SNX1: variants seen among roughly 807,000 people sequenced by gnomAD.
The protein encoded by SNX1 is sorting nexin-1.
Under a neutral mutation model 71.8 loss-of-function variants are expected in SNX1, and 36 were observed. The ratio of observed to expected loss-of-function variants is 0.50; its 90% CI spans 0.38 to 0.66. The LOEUF (loss-of-function observed/expected upper bound fraction) is 0.66. Among genes scored for constraint, SNX1 ranks in the 30% least tolerant of loss-of-function variants. The pLI is 0.00. For synonymous variants in SNX1, 254 were observed against 240.7 expected, an observed-to-expected ratio of 1.06 and a Z score of -0.51; for missense variants, 612 against 646.7, an observed-to-expected ratio of 0.95 and a Z score of 0.58.
chr15:64,113,859 A>AG, intron 2 of SNX1, among the ~76,000 whole-genome samples: 1 of 151,512 alleles, frequency 6.6e-6, no homozygotes, highest in African/African-American at 2.4e-5. Context: ...GAGAGAGAGA[A>AG]AGAAAGTGAT....
rs2081420483 is a variant in SNX1 at position 64,142,162 on chromosome 15, G to A, written c.*4544G>A. The A allele has an allele frequency of 6.4e-6, 1 of 155,216 alleles. No homozygotes were observed. The highest frequency in any genetic ancestry group is 1.4e-5 in the Non-Finnish European group (1 of 70,176). The allele number at this position is 155,216 out of a possible 1,614,324, so 9.6% of individuals were successfully genotyped here. A position where few individuals can be genotyped will look rare whatever the true frequency, so the allele number is the denominator to read the frequency against. ...GAGACCAGCCTGGGGAATATAGTGA[G>A]ACCCTGTCCCTACAAAAATAAAAAC... On this transcript the variant is annotated 3_prime_UTR_variant, in exon 15 of 15. Transcript: ENST00000559844.
intron 1 of SNX1, among the ~76,000 whole-genome samples, chr15:64,098,389 A>G (rs766788162): frequency 6.6e-6 from 1 of 152,184 alleles, no homozygotes; most frequent in Non-Finnish European, 1.5e-5. Flanking sequence ...GTGAGGAGTT[A>G]TTTTCTAGAG....
Position 64,134,874 on chromosome 15 carries a change from C to T in SNX1, c.1365+67C>T. ...TTCCAAATGAACCCAGGGCCCATCC[C>T]ACCCAGAGGTTTGGAACCCCACAGG... is the stretch of plus-strand genomic sequence containing the variant. On this transcript the variant is annotated intron_variant, in intron 12 of 14. Coordinates refer to ENST00000559844, the MANE Select transcript of SNX1 (RefSeq NM_003099.5). The surrounding 1 kb of genome is among the most constrained non-coding windows in gnomAD (Gnocchi z 4.1). The T allele has an allele frequency of 6.3e-7, 1 of 1,581,664 alleles. No individual in the cohort carries two copies. The highest frequency in any genetic ancestry group is 8.6e-7 in the Non-Finnish European group (1 of 1,162,976).
At position 64,129,947 on chromosome 15, in the gene SNX1, G is replaced by A; in HGVS notation, c.839G>A (p.Ser280Asn). The stretch of plus-strand genomic sequence containing the variant: ...CGTGCCGTGGGTACCCAGACATTGA[G>A]TGGTGCTGGTCTCCTCAAGATGTTC... ...LPRAVGTQTLSGAGLLKMFNK... is the reference protein window; with the variant it reads ...LPRAVGTQTLNGAGLLKMFNK... The change falls in exon 9 of 15, where the codon AGT becomes AAT. Residue 280 changes from serine to asparagine, a missense_variant. Transcript: ENST00000559844. The surrounding 1 kb of genome is among the most constrained non-coding windows in gnomAD (Gnocchi z 4.4). 6.2e-7 allele frequency: 1 copy of A among 1,614,144 alleles called. No homozygotes were observed. Among genetic ancestry groups the A allele is most frequent in the Non-Finnish European group, 8.5e-7 (1 of 1,180,016 alleles).
At chr15:64,135,757 CAA>C (rs573541153) in intron 12 of SNX1, among the ~76,000 whole-genome samples, 17 of 108,606 alleles carry the variant, frequency 1.6e-4, no homozygotes, top group Middle Eastern at 5.0e-3. Context: ...GACTCTGTCT[CAA>C]AAAAAAAAAA....
chr15:64,109,718 G>A (rs577064675), intron 1 of SNX1, among the ~76,000 whole-genome samples: 1 of 152,224 alleles, frequency 6.6e-6, no homozygotes, highest in African/African-American at 2.4e-5. Flanking sequence ...ATGTTGGCCA[G>A]GCTGGTCTCA....
chr15:64,136,553 G>A (rs553720147), intron 13 of SNX1, 143 bp downstream of exon 13: 5 of 721,732 alleles, frequency 6.9e-6, no homozygotes, highest in Non-Finnish European at 9.9e-6. Context: ...TCTTTGGGGG[G>A]GTGTGTGCTT....
intron 11 of SNX1, among the ~76,000 whole-genome samples, chr15:64,133,551 G>A (rs1460477785): frequency 4.6e-5 from 7 of 152,292 alleles, no homozygotes; most frequent in Middle Eastern, 3.4e-3. Context: ...CCAGTGTGGC[G>A]AAACCCCATC....
At chr15:64,101,192 T>C in intron 1 of SNX1, among the ~76,000 whole-genome samples, 1 of 152,358 alleles carries the variant, frequency 6.6e-6, no homozygotes, top group Non-Finnish European at 1.5e-5. Flanking sequence ...TTAGTAGCAC[T>C]AAGTATATTC....
chr15:64,119,446 C>T (rs2081168911), intron 4 of SNX1, among the ~76,000 whole-genome samples: 1 of 152,132 alleles, frequency 6.6e-6, no homozygotes, highest in Admixed American at 6.5e-5. Context: ...AAAACCCCAA[C>T]AGGCCAGCCA....
chr15:64,121,175 A>G (rs1233577407), intron 4 of SNX1, among the ~76,000 whole-genome samples: 1 of 152,228 alleles, frequency 6.6e-6, no homozygotes, highest in African/African-American at 2.4e-5. Context: ...TTAAAATGTA[A>G]TAAGTCATGA....
At chr15:64,108,982 C>T in intron 1 of SNX1, among the ~76,000 whole-genome samples, 1 of 137,290 alleles carries the variant, frequency 7.3e-6, no homozygotes, top group East Asian at 2.1e-4. Flanking sequence ...AGTGAGATTC[C>T]ATCTCAAAAA....
Position 64,130,227 on chromosome 15 carries a change from G to A in SNX1, c.922-1G>A. ...TAAAGTTCTGGGCTTTTGTGTTTCAGTGGTTTGAGGAGAAGCTCCAGGAGG... is the reference window on the plus strand; with the variant it reads ...TAAAGTTCTGGGCTTTTGTGTTTCAATGGTTTGAGGAGAAGCTCCAGGAGG... On this transcript the variant is annotated splice_acceptor_variant, in intron 9 of 14. Transcript: ENST00000559844. LOFTEE classifies it high-confidence loss of function. 6.2e-7 allele frequency: 1 copy of A among 1,613,890 alleles called. No homozygotes were observed. The highest frequency in any genetic ancestry group is 8.5e-7 in the Non-Finnish European group (1 of 1,179,822).
intron 1 of SNX1, among the ~76,000 whole-genome samples, chr15:64,112,180 A>G (rs2081084017): frequency 6.6e-6 from 1 of 152,226 alleles, no homozygotes; most frequent in Admixed American, 6.5e-5. Flanking sequence ...CATGGGTCAG[A>G]GCTTGAGTTC....
rs947510912 is a variant in SNX1 at position 64,134,411 on chromosome 15, T to A, written c.1222-253T>A. 10 of 488,238 alleles carry A rather than the reference T, an allele frequency of 2.0e-5. No homozygotes were observed. The highest frequency in any genetic ancestry group is 1.8e-4 in the African/African-American group (9 of 51,428). The allele number at this position is 488,238 out of a possible 1,614,324, so 30.2% of individuals were successfully genotyped here. A position where few individuals can be genotyped will look rare whatever the true frequency, so the allele number is the denominator to read the frequency against. ...TGGTCACTGGCATGAGGCCACCTAC[T>A]GGATCCCTGCCATCCAGCCCTGGGA... On this transcript the variant is annotated intron_variant, in intron 11 of 14. Transcript: ENST00000559844. The surrounding 1 kb of genome is among the most constrained non-coding windows in gnomAD (Gnocchi z 4.1).
chr15:64,135,816 G>A (rs2140162497), intron 12 of SNX1, among the ~76,000 whole-genome samples: 1 of 151,622 alleles, frequency 6.6e-6, no homozygotes, highest in Admixed American at 6.6e-5. Context: ...TAGCTACTCA[G>A]GAGGCTGAGG....
chr15:64,119,755 A>C (rs72755089), intron 4 of SNX1, among the ~76,000 whole-genome samples: 13,367 of 144,354 alleles, frequency 0.093, 718 homozygotes, highest in African/African-American at 0.16. Flanking sequence ...CACACACACA[A>C]AAAACATTAT....
At chr15:64,130,873 A>T (rs2081299354) in intron 10 of SNX1, among the ~76,000 whole-genome samples, 1 of 152,242 alleles carries the variant, frequency 6.6e-6, no homozygotes. Flanking sequence ...CCATGGGCCA[A>T]ATCTGACCCT....
intron 1 of SNX1, among the ~76,000 whole-genome samples, chr15:64,105,084 A>G (rs1453607011): frequency 2.0e-5 from 3 of 151,174 alleles, no homozygotes; most frequent in African/African-American, 7.3e-5. Context: ...AAAATACAAA[A>G]ATTAGCCAGG....
Sources: allele counts gnomAD v4.1 joint callset (sites outside exome capture counted in the v4.1 genomes callset), GRCh38; gene constraint gnomAD v4.1.1; non-coding constraint Gnocchi (gnomAD v3.1); transcripts MANE v1.5; gene names NCBI Gene and HGNC (gene_info 2026-07-23, HGNC 2026-07-21).